PDZRN3: variants seen among roughly 807,000 people sequenced by gnomAD.
PDZRN3 encodes the protein E3 ubiquitin-protein ligase PDZRN3.
A neutral mutation model predicts 85.7 loss-of-function variants in PDZRN3; 38 were observed. The observed-to-expected ratio is 0.44, with a 90% CI of 0.34 to 0.58. The LOEUF is 0.58. PDZRN3 is among the 20% of genes least tolerant of loss of function. The probability of loss-of-function intolerance (pLI) is 0.01; values close to 1 mark genes in which losing one functional copy is unlikely to be tolerated. For synonymous variants in PDZRN3, 759 were observed against 638.0 expected (o/e 1.19, Z -2.86); for missense variants, 1,629 against 1,506.4 (o/e 1.08, Z -1.35).
chr3:73,545,416 A>T (rs1701400795), intron 3 of PDZRN3, among the ~76,000 whole-genome samples: 1 of 152,212 alleles, frequency 6.6e-6, no homozygotes, highest in Non-Finnish European at 1.5e-5. Flanking sequence ...AATTTTAATA[A>T]TATGTTCTAC....
intron 3 of PDZRN3, chr3:73,407,991 A>T: frequency 1.7e-6 from 1 of 602,184 alleles, no homozygotes; most frequent in Non-Finnish European, 3.0e-6. Context: ...ATGCCCTGTC[A>T]TCCCACACAA....
chr3:73,566,219 G>A (rs1200687541), intron 3 of PDZRN3, among the ~76,000 whole-genome samples: 2 of 152,122 alleles, frequency 1.3e-5, no homozygotes, highest in Non-Finnish European at 2.9e-5. Flanking sequence ...TTCTTTTCCT[G>A]GTTTACACAA....
chr3:73,406,130 G>A (rs980209908), intron 3 of PDZRN3, among the ~76,000 whole-genome samples: 1 of 152,190 alleles, frequency 6.6e-6, no homozygotes, highest in African/African-American at 2.4e-5. Flanking sequence ...TGACTTGAGT[G>A]CACCAGTAAA....
chr3:73,512,178 C>T lies in PDZRN3; in HGVS notation c.918+90176G>A, dbSNP rs551639854. On this transcript the variant is annotated intron_variant, in intron 3 of 9. Transcript: ENST00000263666. ...TGCTCTGGCATTAGCAGGGAAGCTGCGTGATTCTTCAGTTCTGATTAAAAG... is the reference window on the plus strand; with the variant it reads ...TGCTCTGGCATTAGCAGGGAAGCTGTGTGATTCTTCAGTTCTGATTAAAAG... 5.4e-4 allele frequency among the ~76,000 whole-genome samples: 83 copies of T among 152,312 alleles called. 2 individuals carry two copies. The highest frequency in any genetic ancestry group is 3.4e-3 in the Middle Eastern group (1 of 294).
intron 3 of PDZRN3, among the ~76,000 whole-genome samples, chr3:73,452,124 G>A (rs1418829817): frequency 6.6e-6 from 1 of 152,166 alleles, no homozygotes; most frequent in Non-Finnish European, 1.5e-5. Flanking sequence ...ACAGCAATAA[G>A]TCTGATTCCC....
At chr3:73,534,788 G>C (rs554802803) in intron 3 of PDZRN3, among the ~76,000 whole-genome samples, 1 of 152,300 alleles carries the variant, frequency 6.6e-6, no homozygotes, top group East Asian at 1.9e-4. Flanking sequence ...ACGGAACTGA[G>C]GCTCAGAAAA....
At chr3:73,481,532 G>A (rs1703560707) in intron 3 of PDZRN3, among the ~76,000 whole-genome samples, 1 of 152,054 alleles carries the variant, frequency 6.6e-6, no homozygotes, top group Non-Finnish European at 1.5e-5. Flanking sequence ...GTTTCTCCAT[G>A]TTGGTCAGGC....
chr3:73,599,659 T>A (rs1444158879), intron 3 of PDZRN3, among the ~76,000 whole-genome samples: 3 of 152,272 alleles, frequency 2.0e-5, no homozygotes, highest in Non-Finnish European at 2.9e-5. Context: ...GCAACTCTTG[T>A]ATAAATCAAA....
intron 3 of PDZRN3, among the ~76,000 whole-genome samples, chr3:73,507,261 C>T (rs979344638): frequency 3.3e-5 from 5 of 152,270 alleles, no homozygotes; most frequent in African/African-American, 4.8e-5. Flanking sequence ...CTCTGCTTCC[C>T]GAGTTCAAGT....
rs80034459 is a variant in PDZRN3, at chr3:73,446,574, G to A, written c.919-42179C>T. ...ATAACCTCAGGAGTTTCAAAACAGA[G>A]TAAGTTTAAATTTACAGAATACTCA... is the stretch of plus-strand genomic sequence containing the variant. On this transcript the variant is annotated intron_variant, in intron 3 of 9. Coordinates refer to ENST00000263666, the MANE Select transcript of PDZRN3 (RefSeq NM_015009.3). Among the ~76,000 whole-genome samples the A allele has an allele frequency of 3.3e-3, 500 of 152,250 alleles. 1 individual carries two copies. Among genetic ancestry groups the A allele is most frequent in the African/African-American group, 0.012 (482 of 41,544 alleles).
intron 3 of PDZRN3, among the ~76,000 whole-genome samples, chr3:73,417,457 T>C (rs776392857): frequency 2.6e-4 from 39 of 152,200 alleles, no homozygotes; most frequent in Non-Finnish European, 4.6e-4. Context: ...TGCGGGGAAA[T>C]ACCATTTCAT....
intron 3 of PDZRN3, among the ~76,000 whole-genome samples, chr3:73,443,158 G>A (rs1038958655): frequency 3.9e-5 from 6 of 152,170 alleles, no homozygotes; most frequent in East Asian, 1.9e-4. Context: ...TCACGCCTCC[G>A]TATTGATTGC....
intron 2 of PDZRN3, among the ~76,000 whole-genome samples, chr3:73,604,964 C>A (rs1035515150): frequency 6.6e-6 from 1 of 152,130 alleles, no homozygotes; most frequent in Non-Finnish European, 1.5e-5. Flanking sequence ...CTCACACCTG[C>A]AATCCCAGCA....
intron 3 of PDZRN3, among the ~76,000 whole-genome samples, chr3:73,472,986 A>G (rs576697762): frequency 2.6e-5 from 4 of 152,310 alleles, no homozygotes; most frequent in African/African-American, 9.6e-5. Flanking sequence ...ATTAACGTGC[A>G]GTGAATGGAC....
At chr3:73,385,363 ACTT>A in intron 9 of PDZRN3, among the ~76,000 whole-genome samples, 1 of 152,242 alleles carries the variant, frequency 6.6e-6, no homozygotes, top group Non-Finnish European at 1.5e-5. Context: ...GGATTGCTTT[ACTT>A]TGGAAAACAT....
chr3:73,543,278 A>C (rs1255214942), intron 3 of PDZRN3, among the ~76,000 whole-genome samples: 1 of 152,186 alleles, frequency 6.6e-6, no homozygotes, highest in Non-Finnish European at 1.5e-5. Flanking sequence ...AGCATACTGG[A>C]TTTCCCAAGA....
chr3:73,564,948 A>G (rs1376357724), intron 3 of PDZRN3, among the ~76,000 whole-genome samples: 4 of 152,158 alleles, frequency 2.6e-5, no homozygotes, highest in African/African-American at 9.7e-5. Flanking sequence ...TTTCATGATC[A>G]TTCTCATCAT....
chr3:73,410,936 G>C (rs1165663839), intron 3 of PDZRN3, among the ~76,000 whole-genome samples: 3 of 152,148 alleles, frequency 2.0e-5, no homozygotes, highest in Non-Finnish European at 4.4e-5. Context: ...GTGATAATTT[G>C]AAGCAGTAGC....
intron 3 of PDZRN3, among the ~76,000 whole-genome samples, chr3:73,579,846 A>G (rs1321728199): frequency 5.9e-5 from 9 of 151,666 alleles, no homozygotes; most frequent in African/African-American, 1.7e-4. Flanking sequence ...GTGTGTGTGT[A>G]TATATATTTA....
Sources: allele counts gnomAD v4.1 joint callset (sites outside exome capture counted in the v4.1 genomes callset), GRCh38; gene constraint gnomAD v4.1.1; transcripts MANE v1.5; gene names NCBI Gene and HGNC (gene_info 2026-07-23, HGNC 2026-07-21).